DPYD: variants seen among roughly 807,000 people sequenced by gnomAD.
DPYD encodes the protein dihydropyrimidine dehydrogenase [NADP(+)].
DPYD carries 109 observed loss-of-function variants against 116.2 expected under a neutral mutation model. That is an observed-to-expected ratio of 0.94 (90% CI 0.80 to 1.10). The LOEUF (loss-of-function observed/expected upper bound fraction) is 1.10. Ranked by LOEUF, DPYD falls within the 50% of genes least tolerant of loss-of-function variation. DPYD has a pLI of 0.00. For missense variants in DPYD, 1,302 were observed against 1,254.5 expected, an observed-to-expected ratio of 1.04 and a Z score of -0.57; for synonymous variants, 440 against 432.0, an observed-to-expected ratio of 1.02 and a Z score of -0.23.
At chr1:97,406,504 C>T (rs1347683038) in intron 14 of DPYD, among the ~76,000 whole-genome samples, 2 of 151,714 alleles carry the variant, frequency 1.3e-5, no homozygotes, top group Admixed American at 6.6e-5. Context: ...CTGCACCCAT[C>T]AATCCTTCAT....
At chr1:97,792,550 G>A (rs747152144) in intron 3 of DPYD, among the ~76,000 whole-genome samples, 5 of 151,936 alleles carry the variant, frequency 3.3e-5, no homozygotes, top group Non-Finnish European at 5.9e-5. Context: ...GCGCCTGGCC[G>A]CTACTGAGCT....
At chr1:97,859,222 CTATGG>C (rs1670995218) in intron 2 of DPYD, among the ~76,000 whole-genome samples, 1 of 152,112 alleles carries the variant, frequency 6.6e-6, no homozygotes, top group South Asian at 2.1e-4. Context: ...AAAAGAATCT[CTATGG>C]TATGATTGTG....
intron 14 of DPYD, among the ~76,000 whole-genome samples, chr1:97,409,908 T>C: frequency 6.6e-6 from 1 of 152,150 alleles, no homozygotes; most frequent in South Asian, 2.1e-4. Context: ...TGAAACCCTA[T>C]CTCTACTAAA....
chr1:97,082,340 G>T lies in DPYD; in HGVS notation c.2897C>A (p.Ser966Tyr). The T allele has an allele frequency of 6.2e-7, 1 of 1,613,430 alleles. No individual in the cohort carries two copies. Among genetic ancestry groups the T allele is most frequent in the South Asian group, 1.1e-5 (1 of 91,062 alleles). ...CGKCYMTCNDSGYQAIQFDPE... is the reference protein window; with the variant it reads ...CGKCYMTCNDYGYQAIQFDPE... ...CAGCAGGATTCTTACCTGGTAGCCA[G>T]AATCATTACAGGTCATGTAGCATTT... The change falls in exon 22 of 23, where the codon TCT (serine) becomes TAT (tyrosine). Residue 966 changes from serine to tyrosine, a missense_variant. Transcript: ENST00000370192.
chr1:97,289,694 C>A (rs1457437829), intron 18 of DPYD, among the ~76,000 whole-genome samples: 9 of 152,084 alleles, frequency 5.9e-5, no homozygotes, highest in Non-Finnish European at 1.0e-4. Context: ...ATCTCAAAAT[C>A]ATAAGAGCTA....
chr1:97,762,596 C>A (rs1020954005), intron 3 of DPYD, among the ~76,000 whole-genome samples: 2 of 152,098 alleles, frequency 1.3e-5, no homozygotes, highest in South Asian at 4.1e-4. Flanking sequence ...CTTGATTAGT[C>A]ATTCTCTAAA....
At chr1:97,316,234 A>C (rs746182800) in intron 16 of DPYD, among the ~76,000 whole-genome samples, 1 of 151,950 alleles carries the variant, frequency 6.6e-6, no homozygotes, top group Non-Finnish European at 1.5e-5. Context: ...TCATGCCTGT[A>C]ATCCCAGCAC....
chr1:97,724,215 A>G (rs1182937032), intron 4 of DPYD, among the ~76,000 whole-genome samples: 1 of 151,514 alleles, frequency 6.6e-6, no homozygotes, highest in Non-Finnish European at 1.5e-5. Context: ...CCTTCCTCCA[A>G]TATCAAGAAA....
At chr1:97,808,257 T>C (rs1214550854) in intron 3 of DPYD, among the ~76,000 whole-genome samples, 1 of 152,162 alleles carries the variant, frequency 6.6e-6, no homozygotes, top group African/African-American at 2.4e-5. Context: ...CAAAAGATGT[T>C]TCCATTTATT....
intron 1 of DPYD, among the ~76,000 whole-genome samples, chr1:97,895,559 T>C (rs1332693686): frequency 1.3e-5 from 2 of 151,756 alleles, no homozygotes; most frequent in Non-Finnish European, 2.9e-5. Context: ...AAGTGACTTA[T>C]GTTAAAAATA....
chr1:97,733,068 A>C (rs1390071037), intron 4 of DPYD, among the ~76,000 whole-genome samples: 1 of 152,116 alleles, frequency 6.6e-6, no homozygotes, highest in East Asian at 1.9e-4. Context: ...AATAGATCTA[A>C]ATAAATATGG....
intron 2 of DPYD, among the ~76,000 whole-genome samples, chr1:97,849,121 C>G (rs542589420): frequency 2.0e-5 from 3 of 152,072 alleles, no homozygotes; most frequent in Non-Finnish European, 4.4e-5. Flanking sequence ...TATTGTGATA[C>G]TGAAGTCACT....
intron 13 of DPYD, among the ~76,000 whole-genome samples, chr1:97,488,164 T>A (rs11165883): frequency 0.19 from 28,899 of 152,104 alleles, 2,854 homozygotes; most frequent in East Asian, 0.26. Flanking sequence ...CTTATTTTTT[T>A]TAAAAGCCAA....
At chr1:97,480,345 C>A (rs929509703) in intron 13 of DPYD, among the ~76,000 whole-genome samples, 1 of 151,918 alleles carries the variant, frequency 6.6e-6, no homozygotes, top group African/African-American at 2.4e-5. Flanking sequence ...TCCAGATGAC[C>A]GATGGAAACT....
At chr1:97,450,529 T>C (rs1676356622) in intron 13 of DPYD, among the ~76,000 whole-genome samples, 1 of 152,132 alleles carries the variant, frequency 6.6e-6, no homozygotes, top group Non-Finnish European at 1.5e-5. Context: ...TGTTTGCAAT[T>C]AAATAATAAA....
chr1:97,797,186 C>G (rs1667615385), intron 3 of DPYD: 1 of 151,988 alleles, frequency 6.6e-6, no homozygotes, highest in Admixed American at 6.6e-5. Flanking sequence ...CTATTTCCTC[C>G]CCTGAAATTA....
At chr1:97,591,974 A>G (rs185932252) in intron 10 of DPYD, among the ~76,000 whole-genome samples, 1 of 152,138 alleles carries the variant, frequency 6.6e-6, no homozygotes, top group Admixed American at 6.5e-5. Flanking sequence ...TTGGATGGAG[A>G]AAAGTCCAGA....
At chr1:97,438,825 A>G (rs1457200226) in intron 14 of DPYD, among the ~76,000 whole-genome samples, 3 of 152,112 alleles carry the variant, frequency 2.0e-5, no homozygotes, top group Non-Finnish European at 4.4e-5. Context: ...CTACACAGAT[A>G]ATCAAATTGT....
chr1:97,429,930 T>C (rs1675081231), intron 14 of DPYD, among the ~76,000 whole-genome samples: 1 of 152,112 alleles, frequency 6.6e-6, no homozygotes, highest in African/African-American at 2.4e-5. Flanking sequence ...AAAAGAAGTA[T>C]GATATGCTTA....
Sources: allele counts gnomAD v4.1 joint callset (sites outside exome capture counted in the v4.1 genomes callset), GRCh38; gene constraint gnomAD v4.1.1; transcripts MANE v1.5; gene names NCBI Gene and HGNC (gene_info 2026-07-23, HGNC 2026-07-21).